Variants in UHRF1 observed in about 807,000 individuals in gnomAD.
UHRF1 encodes ubiquitin like with PHD and ring finger domains 1.
A neutral mutation model predicts 96.5 loss-of-function variants in UHRF1; 9 were observed. The observed-to-expected ratio is 0.09, with a 90% CI of 0.06 to 0.16. The LOEUF is 0.16. UHRF1 is among the 10% of genes least tolerant of loss of function. The probability of loss-of-function intolerance (pLI) is 1.00; values close to 1 mark genes in which losing one functional copy is unlikely to be tolerated. For missense variants in UHRF1, 626 were observed against 1,131.1 expected, an observed-to-expected ratio of 0.55 and a Z score of 6.40; for synonymous variants, 455 against 469.9, an observed-to-expected ratio of 0.97 and a Z score of 0.41.
At chr19:4,906,426 G>A (rs941663137), upstream of UHRF1, among the ~76,000 whole-genome samples, 1 of 152,162 alleles carries the variant, frequency 6.6e-6, no homozygotes, top group Non-Finnish European at 1.5e-5. Flanking sequence ...TATCCAAGGT[G>A]CTTAGGCTGT....
At chr19:4,916,198 C>T (rs1337751221) in intron 2 of UHRF1, among the ~76,000 whole-genome samples, 1 of 151,336 alleles carries the variant, frequency 6.6e-6, no homozygotes, top group Non-Finnish European at 1.5e-5. Flanking sequence ...CCTAGCTACT[C>T]GGGAGGCCAA....
At chr19:4,927,073 A>C (rs1368585986) in intron 2 of UHRF1, among the ~76,000 whole-genome samples, 1 of 151,826 alleles carries the variant, frequency 6.6e-6, no homozygotes, top group East Asian at 1.9e-4. Flanking sequence ...AACAAAAAAC[A>C]AAACAAAACA....
At chr19:4,938,655 C>T (rs375727648) in intron 5 of UHRF1, among the ~76,000 whole-genome samples, 2 of 149,220 alleles carry the variant, frequency 1.3e-5, no homozygotes, top group African/African-American at 2.5e-5. Context: ...GTGATCCACT[C>T]GTCTCGGCCT....
upstream of UHRF1, chr19:4,909,209 G>C: frequency 2.1e-6 from 1 of 470,142 alleles, no homozygotes; most frequent in Non-Finnish European, 3.8e-6. Flanking sequence ...AGAGTTCAGG[G>C]GGTCTGTACC....
At chr19:4,948,881 T>C (rs1390499249) in intron 11 of UHRF1, among the ~76,000 whole-genome samples, 1 of 144,500 alleles carries the variant, frequency 6.9e-6, no homozygotes, top group African/African-American at 2.6e-5. Flanking sequence ...CCCAGCACTT[T>C]GGGAGGCTGA....
At chr19:4,924,941 T>C (rs262573) in intron 2 of UHRF1, among the ~76,000 whole-genome samples, 49,611 of 151,254 alleles carry the variant, frequency 0.33, 8,867 homozygotes, top group African/African-American at 0.46. Context: ...ATTCTCCTGC[T>C]TCAGCCTCCT....
Position 4,932,789 on chromosome 19 carries a change from G to A in UHRF1, c.618G>A (p.Ala206=), listed in dbSNP as rs2307206. 9.5e-4 allele frequency: 1,529 copies of A among 1,613,878 alleles called. 11 individuals are homozygous for A. In the African/African-American group the frequency reaches 0.019, roughly 20 times the overall value. ...VVQMNSRDVR[A]RARTIIKWQD... ...AGATGAACTCCAGGGACGTCCGAGC[G>A]CGCGCCCGCACCATCATCAAGTGGC... is the stretch of plus-strand genomic sequence containing the variant. Residue 206 remains alanine (A), a synonymous_variant, in exon 5 of 17, where the codon GCG becomes GCA. Coordinates refer to ENST00000650932, the MANE Select transcript of UHRF1 (RefSeq NM_001048201.3).
At chr19:4,912,804 G>A (rs2146284542) in intron 2 of UHRF1, among the ~76,000 whole-genome samples, 1 of 152,170 alleles carries the variant, frequency 6.6e-6, no homozygotes, top group South Asian at 2.1e-4. Context: ...ACTCTGCCCA[G>A]GCTGTGTTGC....
At chr19:4,907,664 C>T (rs1490691090), upstream of UHRF1, among the ~76,000 whole-genome samples, 1 of 150,622 alleles carries the variant, frequency 6.6e-6, no homozygotes, top group African/African-American at 2.4e-5. Flanking sequence ...CTTTTTCTAG[C>T]CACCAGAGGC....
At chr19:4,944,282 G>C (rs375878465) in intron 8 of UHRF1, 27 bp downstream of exon 8, 1 of 1,613,818 alleles carries the variant, frequency 6.2e-7, no homozygotes, top group South Asian at 1.1e-5. Flanking sequence ...CCACGTGCCC[G>C]TGGCCCCTCC....
intron 7 of UHRF1, among the ~76,000 whole-genome samples, chr19:4,942,609 C>T (rs1192782896): frequency 5.3e-5 from 8 of 152,100 alleles, no homozygotes; most frequent in East Asian, 1.9e-4. Context: ...CCACCACATC[C>T]GGCTAATTTT....
intron 4 of UHRF1, among the ~76,000 whole-genome samples, 179 bp downstream of exon 4, chr19:4,931,055 G>A (rs2033035688): frequency 6.6e-6 from 1 of 152,178 alleles, no homozygotes; most frequent in South Asian, 2.1e-4. Context: ...CTGGGGACCC[G>A]AAGCCGGCTG....
At chr19:4,908,295 C>T (rs759102954), upstream of UHRF1, among the ~76,000 whole-genome samples, 28 of 152,136 alleles carry the variant, frequency 1.8e-4, no homozygotes, top group Non-Finnish European at 1.8e-4. Context: ...ATATTAGGGA[C>T]ATAGCAGAAG....
In UHRF1 at chr19:4,944,999, G is replaced by A. The variant is rs888326620; in HGVS notation, c.1305+549G>A. On this transcript the variant is annotated intron_variant, in intron 9 of 16. Transcript: ENST00000650932. ...CGTCTGCAGACATGAGTGTCCCCTT[G>A]GAGGCAGGATTGCCCCTGGGTGAGA... Among the ~76,000 whole-genome samples the A allele has an allele frequency of 2.0e-5, 3 of 152,192 alleles. No homozygotes were observed. In the South Asian group the frequency reaches 6.2e-4, roughly 32 times the overall value.
chr19:4,950,432 C>T (rs531158674), intron 11 of UHRF1, among the ~76,000 whole-genome samples, 179 bp from the exon 12 acceptor site: 6 of 150,054 alleles, frequency 4.0e-5, no homozygotes, highest in Admixed American at 6.7e-5. Context: ...TTAGCAGAGA[C>T]GGGGTTTCAC....
intron 6 of UHRF1, 40 bp from the exon 7 acceptor site, chr19:4,941,705 C>T (rs754027082): frequency 4.5e-6 from 7 of 1,555,342 alleles, no homozygotes; most frequent in East Asian, 4.8e-5. Context: ...TCTGGCTTGG[C>T]CGGGCCCCGC....
intron 5 of UHRF1, among the ~76,000 whole-genome samples, chr19:4,936,909 A>G (rs1188609310): frequency 6.6e-6 from 1 of 152,216 alleles, no homozygotes; most frequent in Non-Finnish European, 1.5e-5. Flanking sequence ...GTGTTATCAC[A>G]ACTGGAATAT....
intron 16 of UHRF1, 91 bp downstream of exon 16, chr19:4,956,904 G>T: frequency 2.2e-6 from 2 of 921,962 alleles, no homozygotes; most frequent in East Asian, 2.6e-5. Flanking sequence ...ACAGACAGAG[G>T]CTTGTTGGCT....
chr19:4,914,656 CTTT>C (rs11317452), intron 2 of UHRF1, among the ~76,000 whole-genome samples: 4 of 139,224 alleles, frequency 2.9e-5, no homozygotes, highest in Non-Finnish European at 3.2e-5. Flanking sequence ...ACCCCTCAAT[CTTT>C]TTTTTTTTTT....
Sources: allele counts gnomAD v4.1 joint callset (sites outside exome capture counted in the v4.1 genomes callset), GRCh38; gene constraint gnomAD v4.1.1; transcripts MANE v1.5; gene names NCBI Gene and HGNC (gene_info 2026-07-23, HGNC 2026-07-21).